ADGRB3: variants seen among roughly 807,000 people sequenced by gnomAD.
ADGRB3 encodes the protein brain-specific angiogenesis inhibitor 3.
In ADGRB3, 37 loss-of-function variants were observed where a neutral mutation model predicts 193.4. The observed-to-expected ratio is 0.19, with a 90% CI of 0.15 to 0.25. The LOEUF is 0.25. ADGRB3 is among the 10% of genes least tolerant of loss of function. The probability of loss-of-function intolerance (pLI) is 1.00; values close to 1 mark genes in which losing one functional copy is unlikely to be tolerated. For missense variants in ADGRB3, 1,637 were observed against 1,852.9 expected (o/e 0.88, Z 2.14); for synonymous variants, 690 against 644.2 (o/e 1.07, Z -1.08).
chr6:68,970,953 G>A (rs1768549609), intron 8 of ADGRB3, among the ~76,000 whole-genome samples: 4 of 152,202 alleles, frequency 2.6e-5, no homozygotes, highest in Admixed American at 2.6e-4. Context: ...GAATTTCAAG[G>A]AGAGGAAACA....
intron 11 of ADGRB3, among the ~76,000 whole-genome samples, chr6:69,009,240 C>A (rs1769861757): frequency 6.6e-6 from 1 of 151,962 alleles, no homozygotes; most frequent in Non-Finnish European, 1.5e-5. Context: ...ACCTTAAAAT[C>A]CTATATACTT....
intron 13 of ADGRB3, among the ~76,000 whole-genome samples, chr6:69,033,508 CA>C (rs1308893107): frequency 2.0e-5 from 3 of 152,028 alleles, no homozygotes; most frequent in Non-Finnish European, 4.4e-5. Flanking sequence ...TTTGAATAGT[CA>C]AAAATATTTT....
At chr6:69,153,631 T>C (rs964892217) in intron 17 of ADGRB3, among the ~76,000 whole-genome samples, 2 of 152,122 alleles carry the variant, frequency 1.3e-5, no homozygotes, top group Non-Finnish European at 2.9e-5. Context: ...TCAAATGGGA[T>C]CCATCAGGTA....
rs6911120 is a variant in ADGRB3, at chr6:69,075,276, G to A, written c.2437-719G>A. Among the ~76,000 whole-genome samples the A allele has an allele frequency of 3.2e-3, 494 of 152,244 alleles. 2 individuals are homozygous for A. Among genetic ancestry groups the A allele is most frequent in the African/African-American group, 0.012 (478 of 41,548 alleles). On this transcript the variant is annotated intron_variant, in intron 16 of 31. Coordinates refer to ENST00000370598, the MANE Select transcript of ADGRB3 (RefSeq NM_001704.3). ...TAATGGATAAGAGAAGACTCTTCAG[G>A]CATATGACAGAATCTGTAGAAACAT...
chr6:68,715,432 C>A (rs555920111), intron 3 of ADGRB3, among the ~76,000 whole-genome samples: 1 of 151,432 alleles, frequency 6.6e-6, no homozygotes, highest in Non-Finnish European at 1.5e-5. Context: ...ACTCTTCACT[C>A]AGCAATATTA....
At chr6:69,275,319 T>C (rs1002552797) in intron 20 of ADGRB3, among the ~76,000 whole-genome samples, 1 of 152,074 alleles carries the variant, frequency 6.6e-6, no homozygotes, top group African/African-American at 2.4e-5. Flanking sequence ...TAAAATTCTT[T>C]AGAAGAAAAA....
At chr6:68,993,658 A>G (rs921016139) in intron 10 of ADGRB3, 110 bp from the exon 11 acceptor site, 10 of 1,120,568 alleles carry the variant, frequency 8.9e-6, no homozygotes, top group Admixed American at 8.9e-5. Flanking sequence ...AAGCATTGCA[A>G]GGCTATTTTA....
chr6:68,826,539 C>A (rs1355759358), intron 3 of ADGRB3, among the ~76,000 whole-genome samples: 1 of 152,046 alleles, frequency 6.6e-6, no homozygotes, highest in Non-Finnish European at 1.5e-5. Flanking sequence ...GAACTGGAAG[C>A]CTTTGGAATG....
chr6:68,987,610 A>G (rs988268839), intron 10 of ADGRB3, among the ~76,000 whole-genome samples: 1 of 152,152 alleles, frequency 6.6e-6, no homozygotes, highest in Non-Finnish European at 1.5e-5. Context: ...TGAAGCATAT[A>G]GTATTAGTTA....
chr6:68,904,326 A>G (rs1370422489), intron 3 of ADGRB3, among the ~76,000 whole-genome samples: 1 of 152,106 alleles, frequency 6.6e-6, no homozygotes, highest in African/African-American at 2.4e-5. Flanking sequence ...CAACCCTGAC[A>G]ATATTGCTAA....
chr6:68,897,004 A>C (rs1766236083), intron 3 of ADGRB3, among the ~76,000 whole-genome samples: 1 of 152,096 alleles, frequency 6.6e-6, no homozygotes, highest in Non-Finnish European at 1.5e-5. Flanking sequence ...TACAAGATCA[A>C]TCTTAGACTT....
intron 11 of ADGRB3, among the ~76,000 whole-genome samples, chr6:69,013,333 C>T (rs1046501839): frequency 2.6e-5 from 4 of 151,976 alleles, no homozygotes; most frequent in African/African-American, 4.8e-5. Flanking sequence ...CACTGCTAGG[C>T]GAAGATAAAG....
intron 24 of ADGRB3, among the ~76,000 whole-genome samples, chr6:69,337,637 G>A (rs1408642507): frequency 6.6e-6 from 1 of 152,112 alleles, no homozygotes; most frequent in African/African-American, 2.4e-5. Flanking sequence ...CCCTGGAGTG[G>A]ATCAGTAAAG....
chr6:68,665,612 G>T (rs987698709), intron 3 of ADGRB3, among the ~76,000 whole-genome samples: 1 of 151,746 alleles, frequency 6.6e-6, no homozygotes, highest in African/African-American at 2.4e-5. Context: ...TACCATGATA[G>T]TTACACGATA....
intron 3 of ADGRB3, among the ~76,000 whole-genome samples, chr6:68,849,947 CCTT>C (rs1456037624): frequency 6.6e-6 from 1 of 151,542 alleles, no homozygotes; most frequent in African/African-American, 2.4e-5. Context: ...TTTTAAATCA[CCTT>C]CTTCAATTTT....
intron 3 of ADGRB3, among the ~76,000 whole-genome samples, chr6:68,699,514 G>A (rs1306948183): frequency 6.6e-6 from 1 of 151,974 alleles, no homozygotes; most frequent in Admixed American, 6.6e-5. Flanking sequence ...AATATTATCT[G>A]TAATAGTTGT....
At position 68,787,889 on chromosome 6, in the gene ADGRB3, A is replaced by G. The variant is rs567686835; in HGVS notation, c.758-142670A>G. Among the ~76,000 whole-genome samples the G allele has an allele frequency of 7.1e-4, 108 of 152,110 alleles. 2 individuals carry two copies. Among genetic ancestry groups the G allele is most frequent in the Non-Finnish European group, 1.4e-3 (97 of 67,994 alleles). On this transcript the variant is annotated intron_variant, in intron 3 of 31. Transcript: ENST00000370598. ...CTTCCTGGTTTAGTCTTGGGAGGAT[A>G]TATGTGTGGAGGAATTTATCCATTT...
intron 30 of ADGRB3, among the ~76,000 whole-genome samples, chr6:69,378,665 G>A (rs956454426): frequency 2.6e-5 from 4 of 151,990 alleles, no homozygotes; most frequent in African/African-American, 7.2e-5. Flanking sequence ...GGGCTAAAAG[G>A]AGATTAGATT....
chr6:69,062,331 A>G (rs1444565996), intron 15 of ADGRB3, among the ~76,000 whole-genome samples: 1 of 151,940 alleles, frequency 6.6e-6, no homozygotes, highest in African/African-American at 2.4e-5. Context: ...TCTTGGTAAG[A>G]TATTTCAGGC....
Sources: gnomAD v4.1 joint callset for allele counts (sites outside exome capture counted in the v4.1 genomes callset) on GRCh38, gnomAD v4.1.1 for gene constraint, MANE v1.5 for transcripts, NCBI Gene and HGNC (gene_info 2026-07-23, HGNC 2026-07-21) for gene names.